The following MAP4K5 variants were observed in gnomAD, a reference collection of about 807,000 sequenced individuals.
The protein encoded by MAP4K5 is MAPK/ERK kinase kinase kinase 5.
A neutral mutation model predicts 135.6 loss-of-function variants in MAP4K5; 82 were observed. The ratio of observed to expected loss-of-function variants is 0.60; its 90% CI spans 0.51 to 0.73. The LOEUF is 0.73. Ranked by LOEUF, MAP4K5 falls within the 30% of genes least tolerant of loss-of-function variation. MAP4K5 has a pLI of 0.00. For missense variants in MAP4K5, 907 were observed against 1,010.9 expected (o/e 0.90, Z 1.39); for synonymous variants, 347 against 335.0 (o/e 1.04, Z -0.39).
intron 2 of MAP4K5, among the ~76,000 whole-genome samples, chr14:50,526,631 T>C (rs1324427334): frequency 6.6e-6 from 1 of 152,228 alleles, no homozygotes; most frequent in Non-Finnish European, 1.5e-5. Context: ...ATGTTCCTTA[T>C]TGACAGTGTA....
chr14:50,441,462 G>T (rs929382071), intron 21 of MAP4K5, among the ~76,000 whole-genome samples: 1 of 152,034 alleles, frequency 6.6e-6, no homozygotes, highest in Non-Finnish European at 1.5e-5. Context: ...CAAGCATGAG[G>T]ACTCATTATA....
intron 28 of MAP4K5, among the ~76,000 whole-genome samples, chr14:50,434,035 A>G (rs2036033460): frequency 6.6e-6 from 1 of 152,190 alleles, no homozygotes; most frequent in Admixed American, 6.5e-5. Flanking sequence ...AGCGGGGAAG[A>G]CAGGATAAAA....
rs769829434 is a variant in MAP4K5, at chr14:50,482,406, T to C, written c.333A>G (p.Pro111=). Reference sequence around the variant, plus strand: ...CATAGGCTATTTGCAATTCTGATAATGGTCCAGTAACTAGAAAGAAAAAGA... The same window carrying C: ...CATAGGCTATTTGCAATTCTGATAACGGTCCAGTAACTAGAAAGAAAAAGA... The part of the protein sequence containing the change: ...SLQDIYHVTG[P]LSELQIAYVC... The change falls in exon 6 of 33, where the codon CCA becomes CCG. Residue 111 remains proline, a synonymous_variant. Coordinates refer to ENST00000682126, the MANE Select transcript of MAP4K5 (RefSeq NM_006575.6). 6.5e-7 allele frequency: 1 copy of C among 1,528,698 alleles called. No homozygotes were observed. Among genetic ancestry groups the C allele is most frequent in the East Asian group, 2.4e-5 (1 of 41,338 alleles). The allele number at this position is 1,528,698 out of a possible 1,614,324, so 94.7% of individuals were successfully genotyped here. A position where few individuals can be genotyped will look rare whatever the true frequency, so the allele number is the denominator to read the frequency against.
chr14:50,454,717 A>G (rs1341988892), intron 14 of MAP4K5, among the ~76,000 whole-genome samples: 1 of 152,102 alleles, frequency 6.6e-6, no homozygotes, highest in African/African-American at 2.4e-5. Context: ...GAAGAAGCCT[A>G]TTTTGATTAA....
At chr14:50,555,782 A>C (rs980612964) in intron 1 of MAP4K5, among the ~76,000 whole-genome samples, 32 of 152,224 alleles carry the variant, frequency 2.1e-4, no homozygotes, top group African/African-American at 7.5e-4. Context: ...ATCTTTAAAC[A>C]AATTGTTGCA....
chr14:50,477,897 A>G (rs975485861), intron 6 of MAP4K5, among the ~76,000 whole-genome samples: 3 of 152,182 alleles, frequency 2.0e-5, no homozygotes, highest in Non-Finnish European at 2.9e-5. Flanking sequence ...AGGTTTATGA[A>G]GAACATTAGC....
rs868550701 is a variant in MAP4K5, at chr14:50,443,636, A to G, written c.1479+93T>C. ...TATCTTTGTATTTTATGATATCTTA[A>G]CTTTCAAAGGCTCAAGTATATTGAT... On this transcript the variant is annotated intron_variant, in intron 20 of 32. Coordinates refer to ENST00000682126, the MANE Select transcript of MAP4K5 (RefSeq NM_006575.6). The G allele has an allele frequency of 3.6e-5, 37 of 1,031,722 alleles. No homozygotes were observed. In the South Asian group the frequency reaches 7.7e-4, roughly 22 times the overall value. The allele number at this position is 1,031,722 out of a possible 1,614,324, so 63.9% of individuals were successfully genotyped here. A position where few individuals can be genotyped will look rare whatever the true frequency, so the allele number is the denominator to read the frequency against.
chr14:50,494,260 C>T (rs191450628), intron 3 of MAP4K5, among the ~76,000 whole-genome samples: 139 of 151,914 alleles, frequency 9.1e-4, no homozygotes, highest in Non-Finnish European at 1.2e-3. Context: ...CTCCGCCTCC[C>T]GGGGTTCAAG....
At chr14:50,533,220 T>C (rs2140134803), upstream of MAP4K5, 1 of 152,360 alleles carries the variant, frequency 6.6e-6, no homozygotes, top group Middle Eastern at 3.4e-3. Flanking sequence ...TCGCTGGTAT[T>C]GCACCTTTAA....
intron 2 of MAP4K5, among the ~76,000 whole-genome samples, chr14:50,524,076 A>G (rs1033253147): frequency 1.3e-5 from 2 of 152,192 alleles, no homozygotes; most frequent in Non-Finnish European, 2.9e-5. Context: ...AATTCCTCCC[A>G]AATTCTTTGT....
At chr14:50,482,962 A>T (rs532871803) in intron 5 of MAP4K5, 1 of 152,960 alleles carries the variant, frequency 6.5e-6, no homozygotes, top group Non-Finnish European at 1.5e-5. Context: ...TAACTCCGTA[A>T]CAACTGTGGT....
At chr14:50,530,865 T>C (rs1465593194) in intron 2 of MAP4K5, among the ~76,000 whole-genome samples, 1 of 152,030 alleles carries the variant, frequency 6.6e-6, no homozygotes, top group Non-Finnish European at 1.5e-5. Flanking sequence ...CTAATATTAA[T>C]TAGGAGGAAA....
At chr14:50,544,025 A>G (rs1412449006) in intron 1 of MAP4K5, among the ~76,000 whole-genome samples, 2 of 152,244 alleles carry the variant, frequency 1.3e-5, no homozygotes, top group Admixed American at 1.3e-4. Flanking sequence ...GATTGATTCT[A>G]ACTACCATGG....
chr14:50,426,017 C>G (rs1361823837), intron 30 of MAP4K5, 40 bp from the exon 31 acceptor site: 4 of 1,225,982 alleles, frequency 3.3e-6, no homozygotes, highest in Non-Finnish European at 4.8e-6. Flanking sequence ...ATATAAAGCA[C>G]AGAGCATTTC....
intron 14 of MAP4K5, chr14:50,449,701 A>G (rs1454809698): frequency 1.3e-5 from 2 of 151,410 alleles, no homozygotes; most frequent in Non-Finnish European, 2.9e-5. Context: ...GACATTCCAT[A>G]AAATACAGTA....
chr14:50,481,710 A>G (rs1026063337), intron 6 of MAP4K5, among the ~76,000 whole-genome samples: 7 of 152,196 alleles, frequency 4.6e-5, no homozygotes, highest in Non-Finnish European at 8.8e-5. Flanking sequence ...AATACCACAT[A>G]CTCTATATCT....
At chr14:50,454,015 A>C (rs1344478220) in intron 14 of MAP4K5, among the ~76,000 whole-genome samples, 1 of 152,190 alleles carries the variant, frequency 6.6e-6, no homozygotes, top group Non-Finnish European at 1.5e-5. Flanking sequence ...ATAGCCCAAA[A>C]CCAGAAATAA....
At chr14:50,495,552 G>A (rs1002992977) in intron 3 of MAP4K5, among the ~76,000 whole-genome samples, 3 of 152,208 alleles carry the variant, frequency 2.0e-5, no homozygotes, top group African/African-American at 7.2e-5. Context: ...ACCAATTCAT[G>A]CTTTTAGGTT....
chr14:50,500,316 T>C (rs896398266), intron 3 of MAP4K5, among the ~76,000 whole-genome samples: 19 of 152,162 alleles, frequency 1.2e-4, no homozygotes, highest in African/African-American at 4.3e-4. Flanking sequence ...AACAAGGGCA[T>C]TGGCCTCTCC....
Sources: allele counts gnomAD v4.1 joint callset (sites outside exome capture counted in the v4.1 genomes callset), GRCh38; gene constraint gnomAD v4.1.1; transcripts MANE v1.5; gene names NCBI Gene and HGNC (gene_info 2026-07-23, HGNC 2026-07-21).